Variants in GRID1 observed in about 807,000 individuals in gnomAD.
GRID1 encodes the protein glutamate ionotropic receptor delta type subunit 1.
GRID1 carries 28 observed loss-of-function variants against 98.0 expected under a neutral mutation model. The observed-to-expected ratio is 0.29, with a 90% confidence interval of 0.21 to 0.39. The LOEUF (loss-of-function observed/expected upper bound fraction) is 0.39, where lower values mean the gene tolerates loss of function less well. Among genes scored for constraint, GRID1 ranks in the 10% least tolerant of loss-of-function variants. The pLI, the probability that GRID1 is intolerant of heterozygous loss-of-function variation, is 1.00. For synonymous variants in GRID1, 553 were observed against 538.5 expected, an observed-to-expected ratio of 1.03 and a Z score of -0.37; for missense variants, 1,111 against 1,340.5, an observed-to-expected ratio of 0.83 and a Z score of 2.67.
chr10:86,125,523 T>C (rs1474910726), intron 4 of GRID1, among the ~76,000 whole-genome samples: 1 of 152,048 alleles, frequency 6.6e-6, no homozygotes, highest in Non-Finnish European at 1.5e-5. Context: ...ACATTTAGAG[T>C]AGAATTTGAG....
At position 86,296,714 on chromosome 10, in the gene GRID1, G is replaced by A. The variant is rs537473972; in HGVS notation, c.235+67227C>T. 1.9e-3 allele frequency among the ~76,000 whole-genome samples: 285 copies of A among 152,182 alleles called. 1 individual carries two copies. Among genetic ancestry groups the A allele is most frequent in the Middle Eastern group, 0.01 (3 of 294 alleles). ...AGATTGCACCATTGCACTCCAGCCTGGGCAACAGAGGGAGACTCCATCTCA... is the reference window on the plus strand; with the variant it reads ...AGATTGCACCATTGCACTCCAGCCTAGGCAACAGAGGGAGACTCCATCTCA... On this transcript the variant is annotated intron_variant, in intron 2 of 15. Transcript: ENST00000327946.
At chr10:86,105,573 C>A (rs1844371068) in intron 4 of GRID1, among the ~76,000 whole-genome samples, 1 of 152,190 alleles carries the variant, frequency 6.6e-6, no homozygotes, top group South Asian at 2.1e-4. Flanking sequence ...GAAAGCAGAG[C>A]CCTAGGGGCC....
intron 4 of GRID1, among the ~76,000 whole-genome samples, chr10:86,126,333 T>A (rs1254321684): frequency 6.6e-6 from 1 of 152,180 alleles, no homozygotes; most frequent in Non-Finnish European, 1.5e-5. Context: ...CACGCGCCTG[T>A]AATCCCAGCT....
chr10:85,647,261 T>G lies in GRID1; in HGVS notation c.2134A>C (p.Ile712Leu). ...TTGTCAGCCCCTCCGTTCTTGCTGA[T>G]GGTCCGCCAGAGTTCAGCAAACGTG... ...DSTFAELWRT[I>L]SKNGGADNCV... The change falls in exon 13 of 16, where the codon ATC (isoleucine) becomes CTC (leucine). Residue 712 changes from isoleucine (I) to leucine (L), a missense_variant. This residue lies in a region of GRID1 where 762 missense variants were observed against 869.1 expected (regional missense o/e 0.88). Transcript: ENST00000327946. 1 of 1,614,256 alleles carries G rather than the reference T, an allele frequency of 6.2e-7. No individual in the cohort carries two copies. The highest frequency in any genetic ancestry group is 8.5e-7 in the Non-Finnish European group (1 of 1,180,038).
chr10:86,091,004 T>G (rs541659198), intron 4 of GRID1, among the ~76,000 whole-genome samples: 2 of 152,304 alleles, frequency 1.3e-5, no homozygotes, highest in African/African-American at 4.8e-5. Context: ...GGTCCCCTAG[T>G]AGCCCATTCC....
intron 2 of GRID1, among the ~76,000 whole-genome samples, chr10:86,306,353 T>C (rs918130141): frequency 2.0e-5 from 3 of 152,210 alleles, no homozygotes; most frequent in African/African-American, 7.2e-5. Flanking sequence ...CCAAAACCAG[T>C]GGAGAAAGCT....
chr10:85,746,875 C>G (rs551280929), intron 8 of GRID1, among the ~76,000 whole-genome samples: 1 of 152,188 alleles, frequency 6.6e-6, no homozygotes, highest in African/African-American at 2.4e-5. Flanking sequence ...ATGTTGGGGT[C>G]ATTTGTTAAT....
intron 4 of GRID1, among the ~76,000 whole-genome samples, chr10:86,049,532 G>A (rs1843470786): frequency 6.6e-6 from 1 of 152,218 alleles, no homozygotes; most frequent in Admixed American, 6.5e-5. Context: ...TGCCACACCA[G>A]GAAGAGACGT....
At chr10:85,654,070 GT>G (rs1352632795) in intron 12 of GRID1, among the ~76,000 whole-genome samples, 1 of 152,198 alleles carries the variant, frequency 6.6e-6, no homozygotes, top group Non-Finnish European at 1.5e-5. Flanking sequence ...AGGACACTTA[GT>G]GACCCACAGG....
At chr10:85,936,263 C>G (rs1366670775) in intron 4 of GRID1, among the ~76,000 whole-genome samples, 1 of 152,230 alleles carries the variant, frequency 6.6e-6, no homozygotes, top group East Asian at 1.9e-4. Context: ...CTTTTAAGCT[C>G]TGCCAAGTCA....
rs371073179 is a variant in GRID1 at position 85,911,764 on chromosome 10, T to C, written c.780+4422A>G. ...CTGGAGAGTCATACTGATTTTTCTA[T>C]AGGAGAATTCCCTGCACAAAGTTCC... On this transcript the variant is annotated intron_variant, in intron 5 of 15. Coordinates refer to ENST00000327946, the MANE Select transcript of GRID1 (RefSeq NM_017551.3). Among the ~76,000 whole-genome samples the C allele has an allele frequency of 3.9e-5, 6 of 152,150 alleles. No individual in the cohort carries two copies. In the East Asian group the frequency reaches 7.7e-4, roughly 20 times the overall value.
At chr10:86,145,371 C>G (rs1245718346) in intron 3 of GRID1, among the ~76,000 whole-genome samples, 2 of 152,130 alleles carry the variant, frequency 1.3e-5, no homozygotes, top group South Asian at 4.1e-4. Context: ...TACAGACACC[C>G]GCCACCACGC....
intron 12 of GRID1, among the ~76,000 whole-genome samples, chr10:85,713,291 C>T (rs1387146347): frequency 6.6e-6 from 1 of 151,768 alleles, no homozygotes; most frequent in African/African-American, 2.4e-5. Context: ...CAACAGCAAA[C>T]TGAATAATTT....
chr10:86,214,544 A>AC (rs1846149416), intron 2 of GRID1, among the ~76,000 whole-genome samples: 1 of 151,936 alleles, frequency 6.6e-6, no homozygotes, highest in African/African-American at 2.4e-5. Context: ...CGCCCCCCTG[A>AC]CCCCCAGCAC....
chr10:86,310,425 C>T (rs1423456358), intron 2 of GRID1, among the ~76,000 whole-genome samples: 7 of 152,094 alleles, frequency 4.6e-5, no homozygotes, highest in African/African-American at 1.7e-4. Context: ...CATGGTGGTC[C>T]CCAGCCCTGT....
chr10:85,818,022 A>G (rs897391224), intron 8 of GRID1, among the ~76,000 whole-genome samples: 1 of 152,156 alleles, frequency 6.6e-6, no homozygotes, highest in African/African-American at 2.4e-5. Flanking sequence ...CCTAAATACC[A>G]AAAGAATTGT....
chr10:85,636,348 T>C (rs1843041530), intron 13 of GRID1, among the ~76,000 whole-genome samples: 1 of 152,174 alleles, frequency 6.6e-6, no homozygotes, highest in Non-Finnish European at 1.5e-5. Flanking sequence ...GATGAATAAA[T>C]GAATGAATAA....
chr10:86,178,051 A>C (rs938652897), intron 3 of GRID1, among the ~76,000 whole-genome samples: 3 of 151,758 alleles, frequency 2.0e-5, no homozygotes, highest in Non-Finnish European at 4.4e-5. Context: ...AGTGAGGAGG[A>C]CTCTGGCTTC....
intron 8 of GRID1, among the ~76,000 whole-genome samples, chr10:85,760,573 T>C (rs1322139441): frequency 6.6e-6 from 1 of 152,204 alleles, no homozygotes; most frequent in Non-Finnish European, 1.5e-5. Context: ...CTGCATCCTT[T>C]AATCATCAAG....
Sources: gnomAD v4.1 joint callset for allele counts (sites outside exome capture counted in the v4.1 genomes callset) on GRCh38, gnomAD v4.1.1 for gene constraint, gnomAD v4.1.1 regional missense constraint, MANE v1.5 for transcripts, NCBI Gene and HGNC (gene_info 2026-07-23, HGNC 2026-07-21) for gene names.